The following ITGA8 variants were observed in gnomAD, a reference collection of about 807,000 sequenced individuals.
The protein encoded by ITGA8 is integrin subunit alpha 8, also known as integrin alpha-8.
In ITGA8, 91 loss-of-function variants were observed where a neutral mutation model predicts 142.3. The observed-to-expected ratio is 0.64, with a 90% CI of 0.54 to 0.76. ITGA8 has a LOEUF of 0.76. ITGA8 is among the 30% of genes least tolerant of loss of function. The probability of loss-of-function intolerance (pLI) is 0.00; values close to 1 mark genes in which losing one functional copy is unlikely to be tolerated. For synonymous variants in ITGA8, 505 were observed against 485.2 expected, an observed-to-expected ratio of 1.04 and a Z score of -0.54; for missense variants, 1,406 against 1,327.7, an observed-to-expected ratio of 1.06 and a Z score of -0.92.
chr10:15,638,217 T>C (rs1833807079), intron 13 of ITGA8, among the ~76,000 whole-genome samples: 1 of 152,220 alleles, frequency 6.6e-6, no homozygotes, highest in South Asian at 2.1e-4. Flanking sequence ...ACCTCTTATA[T>C]GTCTGTGTTT....
intron 27 of ITGA8, among the ~76,000 whole-genome samples, chr10:15,546,724 G>A (rs1833678065): frequency 6.6e-6 from 1 of 151,298 alleles, no homozygotes; most frequent in Non-Finnish European, 1.5e-5. Context: ...AGAAAGGAAG[G>A]AAGGAAGATG....
chr10:15,524,679 A>T (rs553609664), intron 28 of ITGA8, among the ~76,000 whole-genome samples: 11 of 152,200 alleles, frequency 7.2e-5, no homozygotes, highest in Non-Finnish European at 1.5e-4. Context: ...TAGAGACTTG[A>T]CTGCATAGGC....
chr10:15,569,577 A>G (rs1209980689), intron 25 of ITGA8, among the ~76,000 whole-genome samples: 1 of 152,160 alleles, frequency 6.6e-6, no homozygotes, highest in Non-Finnish European at 1.5e-5. Context: ...TACTAAAAAT[A>G]AAACTAACTA....
chr10:15,668,614 T>A, intron 8 of ITGA8, among the ~76,000 whole-genome samples: 1 of 152,202 alleles, frequency 6.6e-6, no homozygotes, highest in South Asian at 2.1e-4. Flanking sequence ...CTTCCTAGCC[T>A]GGATGGTCTT....
intron 6 of ITGA8, among the ~76,000 whole-genome samples, chr10:15,672,990 C>T (rs1003864558): frequency 6.6e-6 from 1 of 152,214 alleles, no homozygotes; most frequent in African/African-American, 2.4e-5. Flanking sequence ...TTTTAACATA[C>T]ACACTCCACC....
chr10:15,547,312 T>C (rs58156122), intron 27 of ITGA8, among the ~76,000 whole-genome samples: 8,390 of 152,230 alleles, frequency 0.055, 739 homozygotes, highest in African/African-American at 0.19. Context: ...TGGCTCATGC[T>C]TGTAATCCCA....
At chr10:15,555,701 CT>C (rs36008836) in intron 26 of ITGA8, among the ~76,000 whole-genome samples, 137,950 of 145,678 alleles carry the variant, frequency 0.95, 65,585 homozygotes, top group Non-Finnish European at 0.99. Flanking sequence ...TCCACCTTCC[CT>C]TTTTTTTTTT....
At chr10:15,712,114 G>A (rs1042150155) in intron 2 of ITGA8, among the ~76,000 whole-genome samples, 2 of 152,166 alleles carry the variant, frequency 1.3e-5, no homozygotes, top group African/African-American at 4.8e-5. Context: ...TTTCATTATG[G>A]AGGAACACCT....
At chr10:15,517,318 C>A in intron 29 of ITGA8, 74 bp from the exon 30 acceptor site, 1 of 996,570 alleles carries the variant, frequency 1.0e-6, no homozygotes, top group South Asian at 1.4e-5. Context: ...AAAGAATTTT[C>A]ACTTTATGTA....
At chr10:15,677,478 T>C in intron 6 of ITGA8, 114 bp downstream of exon 6, 1 of 781,204 alleles carries the variant, frequency 1.3e-6, no homozygotes, top group Non-Finnish European at 2.1e-6. Context: ...TGAGAAACTA[T>C]GAATAAGGAT....
intron 12 of ITGA8, among the ~76,000 whole-genome samples, chr10:15,644,556 T>C (rs1367360318): frequency 1.4e-5 from 2 of 141,282 alleles, no homozygotes; most frequent in Admixed American, 1.4e-4. Context: ...CTGGAATTCC[T>C]GGCCTCAAGT....
intron 2 of ITGA8, among the ~76,000 whole-genome samples, chr10:15,717,883 A>C (rs960847426): frequency 2.6e-5 from 4 of 152,254 alleles, no homozygotes; most frequent in Admixed American, 2.6e-4. Flanking sequence ...AACAATTAAA[A>C]ATCAAAGAAA....
chr10:15,522,434 TCA>T (rs1234326400), intron 28 of ITGA8, among the ~76,000 whole-genome samples: 1 of 152,172 alleles, frequency 6.6e-6, no homozygotes. Context: ...GGAAGTGGAC[TCA>T]CACAGTTTTG....
At chr10:15,519,192 T>C in intron 29 of ITGA8, 98 bp downstream of exon 29, 1 of 1,439,008 alleles carries the variant, frequency 6.9e-7, no homozygotes, top group Non-Finnish European at 9.5e-7. Flanking sequence ...TTTCCAAAAA[T>C]GCCTCCATAA....
At chr10:15,688,101 A>G in intron 2 of ITGA8, 63 bp from the exon 3 acceptor site, 2 of 1,066,014 alleles carry the variant, frequency 1.9e-6, no homozygotes, top group Non-Finnish European at 2.9e-6. Flanking sequence ...AAAACACATA[A>G]TAAATTTGTA....
rs1374193183 is a variant in ITGA8 at position 15,719,649 on chromosome 10, C to A, written c.123G>T (p.Leu41=). 2 of 1,527,244 alleles carry A rather than the reference C, an allele frequency of 1.3e-6. No homozygotes were observed. The highest frequency in any genetic ancestry group is 1.7e-6 in the Non-Finnish European group (2 of 1,147,014). The allele number at this position is 1,527,244 out of a possible 1,614,324, so 94.6% of individuals were successfully genotyped here. ...TGTACACTGTGAGCTTTTCCACGTCCAGGTTGAACGCCTGACAGGCGGGGG... is the reference window on the plus strand; with the variant it reads ...TGTACACTGTGAGCTTTTCCACGTCAAGGTTGAACGCCTGACAGGCGGGGG... ...LWSPACQAFN[L]DVEKLTVYSG... The change falls in exon 1 of 30, where the codon CTG becomes CTT. Residue 41 remains leucine (L), a synonymous_variant. Coordinates refer to ENST00000378076, the MANE Select transcript of ITGA8 (RefSeq NM_003638.3).
intron 12 of ITGA8, among the ~76,000 whole-genome samples, chr10:15,644,483 TATATATATAGA>T (rs1254713556): frequency 1.6e-4 from 3 of 19,354 alleles, no homozygotes; most frequent in Non-Finnish European, 4.0e-4. Context: ...TATATATATA[TATATATATAGA>T]ATTTTTTTTT....
chr10:15,543,860 C>T (rs1833619977), intron 27 of ITGA8, among the ~76,000 whole-genome samples: 1 of 152,070 alleles, frequency 6.6e-6, no homozygotes, highest in African/African-American at 2.4e-5. Context: ...TTAGGGTGGG[C>T]TCTAAATCCA....
Position 15,554,579 on chromosome 10 carries a change from A to C in ITGA8, c.2766+3495T>G, listed in dbSNP as rs1166766431. Among the ~76,000 whole-genome samples, 3 of 152,116 alleles carry C rather than the reference A, an allele frequency of 2.0e-5. No individual in the cohort carries two copies. The East Asian group carries it at 5.8e-4, about 29-fold the overall frequency. On this transcript the variant is annotated intron_variant, in intron 26 of 29. Coordinates refer to ENST00000378076, the MANE Select transcript of ITGA8 (RefSeq NM_003638.3). ...CACACACTTGCACATATGCACATGC[A>C]CCCAGGTCCCACAGATGCCACTAAA...
Sources: allele counts gnomAD v4.1 joint callset (sites outside exome capture counted in the v4.1 genomes callset), GRCh38; gene constraint gnomAD v4.1.1; transcripts MANE v1.5; gene names NCBI Gene and HGNC (gene_info 2026-07-23, HGNC 2026-07-21).